NRXN1: variants seen among roughly 807,000 people sequenced by gnomAD.
NRXN1 encodes the protein neurexin-1.
Under a neutral mutation model 150.9 loss-of-function variants are expected in NRXN1, and 39 were observed. The observed-to-expected ratio is 0.26, with a 90% CI of 0.20 to 0.34. The LOEUF is 0.34. Ranked by LOEUF, NRXN1 falls within the 10% of genes least tolerant of loss-of-function variation. The pLI is 1.00. For synonymous variants in NRXN1, 924 were observed against 757.0 expected (o/e 1.22, Z -3.62); for missense variants, 1,815 against 1,949.9 (o/e 0.93, Z 1.30).
At chr2:50,507,920 A>C (rs977491172) in intron 12 of NRXN1, among the ~76,000 whole-genome samples, 2 of 151,998 alleles carry the variant, frequency 1.3e-5, no homozygotes, top group African/African-American at 4.8e-5. Context: ...AAATTCTGCC[A>C]GCAAAACCAA....
intron 2 of NRXN1, among the ~76,000 whole-genome samples, chr2:50,932,647 G>A (rs1453575217): frequency 6.6e-6 from 1 of 151,988 alleles, no homozygotes; most frequent in East Asian, 1.9e-4. Context: ...CTCGGGTGAT[G>A]GGTGCACCAA....
chr2:50,993,293 C>T lies in NRXN1; in HGVS notation c.772+34209G>A, dbSNP rs536884697. Among the ~76,000 whole-genome samples, 7 of 152,050 alleles carry T rather than the reference C, an allele frequency of 4.6e-5. 1 individual carries two copies. The South Asian group carries it at 1.5e-3, about 32-fold the overall frequency. ...AGAATGGAGACCGAAATAATTTATA[C>T]TGTATGCACATTTATATAGTTAGCC... On this transcript the variant is annotated intron_variant, in intron 2 of 22. Coordinates refer to ENST00000401669, the MANE Select transcript of NRXN1 (RefSeq NM_001330078.2).
chr2:50,636,923 ATATAC>A (rs1683314008), intron 5 of NRXN1, among the ~76,000 whole-genome samples: 1 of 152,214 alleles, frequency 6.6e-6, no homozygotes, highest in Non-Finnish European at 1.5e-5. Flanking sequence ...AGCTAATATT[ATATAC>A]TATAAGTCTT....
At chr2:49,927,167 T>G (rs1232626497) in intron 22 of NRXN1, among the ~76,000 whole-genome samples, 1 of 152,232 alleles carries the variant, frequency 6.6e-6, no homozygotes, top group East Asian at 1.9e-4. Context: ...CAAAACACAA[T>G]GTAAAATAAT....
chr2:49,920,729 TG>T lies in NRXN1; in HGVS notation c.*1214del, dbSNP rs1668047439. On this transcript the variant is annotated 3_prime_UTR_variant, in exon 23 of 23. Coordinates refer to ENST00000401669, the MANE Select transcript of NRXN1 (RefSeq NM_001330078.2). ...GTGTGTGTGTGTGTGTGTGTGTGTGTGTGTGTGTGTGTGTGAAAATAGTGAA... is the reference window on the plus strand; with the variant it reads ...GTGTGTGTGTGTGTGTGTGTGTGTGTTGTGTGTGTGTGTGAAAATAGTGAA... The T allele has an allele frequency of 2.3e-5, 3 of 132,308 alleles. No homozygotes were observed. Among genetic ancestry groups the T allele is most frequent in the Non-Finnish European group, 5.0e-5 (3 of 60,104 alleles). The allele number at this position is 132,308 out of a possible 1,614,324, so 8.2% of individuals were successfully genotyped here. A position where few individuals can be genotyped will look rare whatever the true frequency, so the allele number is the denominator to read the frequency against.
chr2:51,009,535 C>T (rs1440417567), intron 2 of NRXN1, among the ~76,000 whole-genome samples: 3 of 151,822 alleles, frequency 2.0e-5, no homozygotes, highest in African/African-American at 7.2e-5. Context: ...TGTCAAGTTC[C>T]ATTATGCCTG....
chr2:50,305,943 A>AT (rs1445061912), intron 17 of NRXN1, among the ~76,000 whole-genome samples: 2 of 151,854 alleles, frequency 1.3e-5, no homozygotes, highest in Non-Finnish European at 1.5e-5. Context: ...GCCCTACCTT[A>AT]TTTTTTCTTG....
intron 17 of NRXN1, among the ~76,000 whole-genome samples, chr2:50,420,602 T>A (rs888680162): frequency 1.9e-4 from 29 of 152,074 alleles, no homozygotes; most frequent in African/African-American, 7.0e-4. Flanking sequence ...ATCAATTTTG[T>A]GTTTAACATT....
chr2:50,105,301 A>G (rs377038087), intron 18 of NRXN1: 2 of 152,004 alleles, frequency 1.3e-5, no homozygotes, highest in African/African-American at 4.8e-5. Context: ...TGAAATATTA[A>G]TCTCCATTAG....
At chr2:50,667,989 T>C (rs1258925496) in intron 5 of NRXN1, among the ~76,000 whole-genome samples, 2 of 152,050 alleles carry the variant, frequency 1.3e-5, no homozygotes, top group African/African-American at 2.4e-5. Context: ...GTAAGAATTC[T>C]ATACATCACT....
intron 18 of NRXN1, among the ~76,000 whole-genome samples, chr2:50,126,312 A>G (rs1211219937): frequency 6.6e-6 from 1 of 152,016 alleles, no homozygotes; most frequent in Non-Finnish European, 1.5e-5. Flanking sequence ...ACCTTCTCTT[A>G]ATATTTAACT....
At chr2:50,572,961 T>C (rs376358082) in intron 8 of NRXN1, among the ~76,000 whole-genome samples, 41 of 152,206 alleles carry the variant, frequency 2.7e-4, no homozygotes, top group African/African-American at 9.2e-4. Context: ...AACAACTGCC[T>C]CATTTTACTC....
intron 5 of NRXN1, among the ~76,000 whole-genome samples, chr2:50,672,555 G>T (rs1458411247): frequency 6.6e-6 from 1 of 151,868 alleles, no homozygotes; most frequent in Non-Finnish European, 1.5e-5. Flanking sequence ...TGGAAATAGT[G>T]TTACAATCAT....
intron 5 of NRXN1, among the ~76,000 whole-genome samples, chr2:50,831,487 T>C (rs183679393): frequency 1.3e-5 from 2 of 152,258 alleles, no homozygotes; most frequent in African/African-American, 4.8e-5. Context: ...TGGGAGCTAA[T>C]GAGTAGAGGG....
intron 17 of NRXN1, among the ~76,000 whole-genome samples, chr2:50,380,257 T>G (rs1161536302): frequency 6.6e-6 from 1 of 151,192 alleles, no homozygotes; most frequent in Non-Finnish European, 1.5e-5. Flanking sequence ...CTTACCACAT[T>G]GCTGAGAAAT....
chr2:50,088,692 T>C (rs1209284301), intron 19 of NRXN1, among the ~76,000 whole-genome samples: 3 of 152,208 alleles, frequency 2.0e-5, no homozygotes, highest in African/African-American at 7.2e-5. Flanking sequence ...TGAACAATTA[T>C]TTAATTGGCA....
intron 18 of NRXN1, among the ~76,000 whole-genome samples, chr2:50,196,650 T>C (rs1334932737): frequency 2.0e-5 from 3 of 152,190 alleles, no homozygotes; most frequent in Non-Finnish European, 4.4e-5. Context: ...CATATATCTA[T>C]ATTCCTTCAA....
At chr2:50,964,891 A>C (rs1431860847) in intron 2 of NRXN1, among the ~76,000 whole-genome samples, 1 of 151,484 alleles carries the variant, frequency 6.6e-6, no homozygotes, top group Admixed American at 6.6e-5. Flanking sequence ...CAGGGGAGTG[A>C]AATATGAAAG....
intron 18 of NRXN1, among the ~76,000 whole-genome samples, chr2:50,134,836 T>C (rs1337033942): frequency 6.6e-6 from 1 of 152,198 alleles, no homozygotes; most frequent in Non-Finnish European, 1.5e-5. Context: ...AAGCCTCTAA[T>C]GGCATTAGAA....
Sources: gnomAD v4.1 joint callset for allele counts (sites outside exome capture counted in the v4.1 genomes callset) on GRCh38, gnomAD v4.1.1 for gene constraint, MANE v1.5 for transcripts, NCBI Gene and HGNC (gene_info 2026-07-23, HGNC 2026-07-21) for gene names.